The following ELAPOR2 variants were observed in gnomAD, a reference collection of about 807,000 sequenced individuals.
ELAPOR2 encodes the protein endosome/lysosome-associated apoptosis and autophagy regulator family member 2.
ELAPOR2 carries 89 observed loss-of-function variants against 120.7 expected under a neutral mutation model. The ratio of observed to expected loss-of-function variants is 0.74; its 90% confidence interval spans 0.62 to 0.88. The LOEUF is 0.88. ELAPOR2 is among the 40% of genes least tolerant of loss of function. The pLI, the probability that ELAPOR2 is intolerant of heterozygous loss-of-function variation, is 0.00. For synonymous variants in ELAPOR2, 444 were observed against 444.9 expected (o/e 1.00, Z 0.03); for missense variants, 1,134 against 1,251.6 (o/e 0.91, Z 1.42).
intron 4 of ELAPOR2, among the ~76,000 whole-genome samples, chr7:86,943,222 C>T (rs1368480386): frequency 1.3e-5 from 2 of 151,672 alleles, no homozygotes; most frequent in African/African-American, 4.8e-5. Context: ...GTTATCTTGA[C>T]ATTCTACTGG....
At chr7:86,897,704 A>T in intron 18 of ELAPOR2, 72 bp from the exon 19 acceptor site, 1 of 1,534,406 alleles carries the variant, frequency 6.5e-7, no homozygotes. Flanking sequence ...TCTAATCAAC[A>T]CCAGAATACC....
intron 15 of ELAPOR2, chr7:86,911,769 T>C (rs1789321627): frequency 9.6e-6 from 5 of 523,374 alleles, no homozygotes; most frequent in Admixed American, 6.9e-5. Flanking sequence ...AGAGGTAAGA[T>C]TGACAACCCT....
At chr7:87,018,849 T>A (rs1228953116) in intron 1 of ELAPOR2, among the ~76,000 whole-genome samples, 1 of 152,232 alleles carries the variant, frequency 6.6e-6, no homozygotes, top group Non-Finnish European at 1.5e-5. Flanking sequence ...GTAGTTTTTT[T>A]ATAAGTCACT....
chr7:86,937,711 A>C (rs1026361528), intron 8 of ELAPOR2, among the ~76,000 whole-genome samples: 2 of 152,112 alleles, frequency 1.3e-5, no homozygotes, highest in African/African-American at 4.8e-5. Flanking sequence ...TGTGAGTCAC[A>C]CTACACATTT....
At chr7:86,944,348 C>T (rs1790917012) in intron 4 of ELAPOR2, among the ~76,000 whole-genome samples, 2 of 152,018 alleles carry the variant, frequency 1.3e-5, no homozygotes, top group Admixed American at 1.3e-4. Flanking sequence ...TTTTCAAAGA[C>T]ATCAAGTATC....
intron 19 of ELAPOR2, among the ~76,000 whole-genome samples, chr7:86,893,608 A>T (rs1408632034): frequency 6.6e-6 from 1 of 152,070 alleles, no homozygotes; most frequent in African/African-American, 2.4e-5. Flanking sequence ...GACCTGGGAC[A>T]TACAGGTGCA....
chr7:87,041,412 C>T (rs931078073), intron 1 of ELAPOR2, among the ~76,000 whole-genome samples: 10 of 152,116 alleles, frequency 6.6e-5, no homozygotes, highest in Non-Finnish European at 1.3e-4. Flanking sequence ...AACAGCGGAT[C>T]TCTCGGCATA....
rs538794628 is a variant in ELAPOR2 at position 87,026,452 on chromosome 7, T to TA, written c.189+32872dup. 9.0e-3 allele frequency among the ~76,000 whole-genome samples: 1,294 copies of TA among 144,534 alleles called. 10 individuals are homozygous for TA. The highest frequency in any genetic ancestry group is 0.01 in the Non-Finnish European group (682 of 65,338). The allele number at this position is 144,534 out of a possible 152,430, so 94.8% of individuals were successfully genotyped here. A position where few individuals can be genotyped will look rare whatever the true frequency, so the allele number is the denominator to read the frequency against. On this transcript the variant is annotated intron_variant, in intron 1 of 21. Transcript: ENST00000450689. ...ATTTAAAGTATACAAAGTTAGGAATTAAAAAAAAAAAGACTCTCTCAAGAG... is the reference window on the plus strand; with the variant it reads ...ATTTAAAGTATACAAAGTTAGGAATTAAAAAAAAAAAAGACTCTCTCAAGAG...
chr7:87,024,445 G>A (rs1584008491), intron 1 of ELAPOR2, among the ~76,000 whole-genome samples: 1 of 152,108 alleles, frequency 6.6e-6, no homozygotes, highest in Non-Finnish European at 1.5e-5. Flanking sequence ...GCTTTTTGAT[G>A]TCCTGCTGGA....
At position 86,944,901 on chromosome 7, in the gene ELAPOR2, A is replaced by G; in HGVS notation, c.652T>C (p.Phe218Leu). 6.5e-7 allele frequency: 1 copy of G among 1,538,528 alleles called. No individual in the cohort carries two copies. The highest frequency in any genetic ancestry group is 2.1e-5 in the Admixed American group (1 of 46,634). Residue 218 changes from phenylalanine (F) to leucine (L), a missense_variant and splice_region_variant, in exon 4 of 22, where the codon TTT (phenylalanine) becomes CTT (leucine). This residue lies in a region of ELAPOR2 where 280 missense variants were observed against 331.5 expected (regional missense o/e 0.84). Coordinates refer to ENST00000450689, the MANE Select transcript of ELAPOR2 (RefSeq NM_001142749.3). ...TTCCAGAATACAAAAGGTCTTACAA[A>G]GAACTCAAAGAAGATGTTGTTGTCG... ...YVDNNIFFEF[F>L]IQNDQCQEMD...
chr7:86,946,630 G>C (rs563080462), intron 3 of ELAPOR2, among the ~76,000 whole-genome samples: 1 of 151,980 alleles, frequency 6.6e-6, no homozygotes, highest in Admixed American at 6.5e-5. Flanking sequence ...CAGGTGATCC[G>C]CCTGCCTCGA....
chr7:86,998,149 A>C (rs552403981), intron 1 of ELAPOR2, among the ~76,000 whole-genome samples: 1 of 152,306 alleles, frequency 6.6e-6, no homozygotes, highest in South Asian at 2.1e-4. Flanking sequence ...GTAAGTATAA[A>C]CCCTACCCCT....
In ELAPOR2 at chr7:86,879,481, G is replaced by A. The variant is rs1366795737; in HGVS notation, c.*990C>T. ...AGAAAGTCAACATCCTCAAAGTCTTGCAGCAGAAAAATAACCATATAACCT... is the reference window on the plus strand; with the variant it reads ...AGAAAGTCAACATCCTCAAAGTCTTACAGCAGAAAAATAACCATATAACCT... On this transcript the variant is annotated 3_prime_UTR_variant, in exon 22 of 22. Transcript: ENST00000450689. 1.3e-5 allele frequency: 2 copies of A among 152,030 alleles called. No individual in the cohort carries two copies. Among genetic ancestry groups the A allele is most frequent in the Non-Finnish European group, 2.9e-5 (2 of 68,000 alleles). 9.4% of individuals were successfully genotyped at this position (152,030 alleles called of 1,614,324 possible). A position where few individuals can be genotyped will look rare whatever the true frequency, so the allele number is the denominator to read the frequency against.
At chr7:86,886,710 G>A (rs939993618) in intron 21 of ELAPOR2, among the ~76,000 whole-genome samples, 7 of 152,124 alleles carry the variant, frequency 4.6e-5, no homozygotes, top group African/African-American at 7.2e-5. Flanking sequence ...AATGCAGTTG[G>A]TCTTGCCCCA....
chr7:86,880,468 T>C lies in ELAPOR2; in HGVS notation c.*3A>G. 6.2e-7 allele frequency: 1 copy of C among 1,604,730 alleles called. No individual in the cohort carries two copies. Among genetic ancestry groups the C allele is most frequent in the Non-Finnish European group, 8.5e-7 (1 of 1,171,718 alleles). Reference sequence around the variant, plus strand: ...TTAGTCTCAAGGCTACAGCACTGTCTCTTCATATATTTGGGGATCTTGAGG... The same window carrying C: ...TTAGTCTCAAGGCTACAGCACTGTCCCTTCATATATTTGGGGATCTTGAGG... On this transcript the variant is annotated 3_prime_UTR_variant, in exon 22 of 22. Coordinates refer to ENST00000450689, the MANE Select transcript of ELAPOR2 (RefSeq NM_001142749.3).
At chr7:86,969,017 T>C (rs1382677665) in intron 1 of ELAPOR2, among the ~76,000 whole-genome samples, 1 of 151,964 alleles carries the variant, frequency 6.6e-6, no homozygotes, top group African/African-American at 2.4e-5. Context: ...CAAGAAGAAA[T>C]AGAACATGGA....
Position 86,947,857 on chromosome 7 carries a change from C to T in ELAPOR2, c.376G>A (p.Gly126Ser). 1 of 1,552,206 alleles carries T rather than the reference C, an allele frequency of 6.4e-7. No individual in the cohort carries two copies. The highest frequency in any genetic ancestry group is 2.4e-5 in the East Asian group (1 of 40,926). Reference sequence around the variant, plus strand: ...ATGCCACTGCCCAAGGAATAGGTGCCTTCACCACACTTACTGCATACCTGG... The same window carrying T: ...ATGCCACTGCCCAAGGAATAGGTGCTTTCACCACACTTACTGCATACCTGG... ...KNQVCSKCGEGTYSLGSGIKF... is the reference protein window; with the variant it reads ...KNQVCSKCGESTYSLGSGIKF... Residue 126 changes from glycine to serine, a missense_variant, in exon 3 of 22, where the codon GGC becomes AGC. Physicochemically the swap from Gly to Ser is moderately conservative, Grantham distance 56 (BLOSUM62 0). Around this residue, in one of 3 missense-constraint regions of ELAPOR2, gnomAD observed 280 missense variants for 331.5 expected, o/e 0.84. Coordinates refer to ENST00000450689, the MANE Select transcript of ELAPOR2 (RefSeq NM_001142749.3).
Position 86,913,068 on chromosome 7 carries a change from G to A in ELAPOR2, c.1868C>T (p.Pro623Leu). Residue 623 changes from proline (P) to leucine (L), a missense_variant, in exon 14 of 22, where the codon CCA becomes CTA. Coordinates refer to ENST00000450689, the MANE Select transcript of ELAPOR2 (RefSeq NM_001142749.3). ...GGTTTCTTTCTCAATGTAGTGGCCTGGAGGGCAGGGGACACACGATGAACC... is the reference window on the plus strand; with the variant it reads ...GGTTTCTTTCTCAATGTAGTGGCCTAGAGGGCAGGGGACACACGATGAACC... ...QSGSSCVPCP[P>L]GHYIEKETNQ... The A allele has an allele frequency of 6.2e-7, 1 of 1,614,082 alleles. No individual in the cohort carries two copies. Among genetic ancestry groups the A allele is most frequent in the Non-Finnish European group, 8.5e-7 (1 of 1,180,010 alleles).
intron 1 of ELAPOR2, among the ~76,000 whole-genome samples, chr7:87,046,822 C>G (rs1794971530): frequency 6.6e-6 from 1 of 152,150 alleles, no homozygotes; most frequent in Admixed American, 6.6e-5. Flanking sequence ...AACCTCTTTC[C>G]TTTATAAATT....
Sources: gnomAD v4.1 joint callset for allele counts (sites outside exome capture counted in the v4.1 genomes callset) on GRCh38, gnomAD v4.1.1 for gene constraint, gnomAD v4.1.1 regional missense constraint, MANE v1.5 for transcripts, NCBI Gene and HGNC (gene_info 2026-07-23, HGNC 2026-07-21) for gene names.